ABCC3: variants seen among roughly 807,000 people sequenced by gnomAD.
ABCC3 encodes the protein ATP binding cassette subfamily C member 3.
In ABCC3, 121 loss-of-function variants were observed where a neutral mutation model predicts 165.3. That is an observed-to-expected ratio of 0.73 (90% CI 0.63 to 0.85). The LOEUF (loss-of-function observed/expected upper bound fraction) is 0.85, where lower values mean the gene tolerates loss of function less well. Among genes scored for constraint, ABCC3 ranks in the 40% least tolerant of loss-of-function variants. ABCC3 has a pLI of 0.00. For synonymous variants in ABCC3, 733 were observed against 810.1 expected (o/e 0.90, Z 1.62); for missense variants, 1,869 against 1,964.1 (o/e 0.95, Z 0.92).
At chr17:50,672,713 C>T (rs1967674278) in intron 17 of ABCC3, among the ~76,000 whole-genome samples, 1 of 152,042 alleles carries the variant, frequency 6.6e-6, no homozygotes, top group South Asian at 2.1e-4. Flanking sequence ...AAAAATAAAA[C>T]ATTTTAGTCA....
chr17:50,674,444 TAG>T (rs1224821929), intron 19 of ABCC3: 4 of 152,156 alleles, frequency 2.6e-5, no homozygotes, highest in Non-Finnish European at 5.9e-5. Context: ...CATGGATAAA[TAG>T]TTTGGCAAGT....
chr17:50,674,026 CTCTCTCTCTCTTTCTT>C (rs1967743012), intron 19 of ABCC3, among the ~76,000 whole-genome samples: 1 of 5,548 alleles, frequency 1.8e-4, no homozygotes, highest in East Asian at 2.5e-3. Context: ...CTCTCTCTCT[CTCTCTCTCTCTTTCTT>C]TCTTTCTTTC....
chr17:50,690,102 G>C (rs530975976), intron 30 of ABCC3, among the ~76,000 whole-genome samples: 1 of 152,302 alleles, frequency 6.6e-6, no homozygotes, highest in South Asian at 2.1e-4. Flanking sequence ...TGGAGGTGGG[G>C]CAATAAGGTA....
At chr17:50,690,640 G>A (rs965391043) in intron 30 of ABCC3, among the ~76,000 whole-genome samples, 4 of 151,962 alleles carry the variant, frequency 2.6e-5, no homozygotes, top group Non-Finnish European at 5.9e-5. Context: ...AGCAGCAGCC[G>A]CAGCAGCCGC....
chr17:50,654,534 C>A (rs2146602009), intron 1 of ABCC3, among the ~76,000 whole-genome samples: 1 of 152,310 alleles, frequency 6.6e-6, no homozygotes, highest in South Asian at 2.1e-4. Flanking sequence ...AGTGCTAAAA[C>A]CAGAGAAGTC....
chr17:50,672,429 C>T (rs935222935), intron 17 of ABCC3, among the ~76,000 whole-genome samples: 6 of 152,178 alleles, frequency 3.9e-5, no homozygotes, highest in African/African-American at 1.4e-4. Context: ...ATGGGTTGGG[C>T]AGGACACCAA....
chr17:50,673,057 C>T lies in ABCC3; in HGVS notation c.2328C>T (p.Asp776=). ...YSDADIFLLD[D]PLSAVDSHVA... ...ATGCCGATATTTTCTTGCTGGATGA[C>T]CCACTGTCCGCGGTGGACTCTCATG... The change falls in exon 18 of 31, where the codon GAC becomes GAT. Residue 776 remains aspartate (D), a synonymous_variant. Transcript: ENST00000285238. 2 of 1,614,124 alleles carry T rather than the reference C, an allele frequency of 1.2e-6. No individual in the cohort carries two copies. The highest frequency in any genetic ancestry group is 2.2e-5 in the East Asian group (1 of 44,878).
chr17:50,673,905 TTTC>T (rs1967707339), intron 19 of ABCC3, among the ~76,000 whole-genome samples: 1 of 10,230 alleles, frequency 9.8e-5, no homozygotes, highest in Admixed American at 1.1e-3. Flanking sequence ...GCCTGTTTTC[TTTC>T]TTTCTTTCTT....
At position 50,656,839 on chromosome 17, in the gene ABCC3, GC is replaced by G. The variant is rs1356560571; in HGVS notation, c.348+15del. On this transcript the variant is annotated intron_variant, in intron 3 of 30. Coordinates refer to ENST00000285238, the MANE Select transcript of ABCC3 (RefSeq NM_003786.4). ...TGGGGGTCACCATGGTCAGTGTGGG[GC>G]CCTGGGAAAGTGGATGGGGGAGGTC... 1.3e-6 allele frequency: 2 copies of G among 1,596,240 alleles called. No homozygotes were observed. Among genetic ancestry groups the G allele is most frequent in the African/African-American group, 2.7e-5 (2 of 74,066 alleles).
At position 50,657,753 on chromosome 17, in the gene ABCC3, C is replaced by T. The variant is rs371414097; in HGVS notation, c.487-329C>T. The stretch of plus-strand genomic sequence containing the variant: ...ACTCCCCATGTGGGCTCGGGCGGGT[C>T]GCTGAAACCTTTGGAGCCTCATTTC... On this transcript the variant is annotated intron_variant, in intron 4 of 30. Transcript: ENST00000285238. Among the ~76,000 whole-genome samples, 40 of 152,312 alleles carry T rather than the reference C, an allele frequency of 2.6e-4. No homozygotes were observed. In the South Asian group the frequency reaches 5.8e-3, roughly 22 times the overall value.
Position 50,663,852 on chromosome 17 carries a change from C to T in ABCC3, c.1170C>T (p.Tyr390=), listed in dbSNP as rs1315184584. 23 of 1,614,180 alleles carry T rather than the reference C, an allele frequency of 1.4e-5. No individual in the cohort carries two copies. Among genetic ancestry groups the T allele is most frequent in the Non-Finnish European group, 1.9e-5 (23 of 1,180,024 alleles). The part of the protein sequence containing the change: ...KFRTGIMGVI[Y]RKALVITNSV... The stretch of plus-strand genomic sequence containing the variant: ...GTACTGGGATCATGGGTGTCATCTA[C>T]AGGAAGGTCAGCTGGAGCAGGGCCC... Residue 390 remains tyrosine (Y), a synonymous_variant, in exon 9 of 31, where the codon TAC becomes TAT. Transcript: ENST00000285238.
chr17:50,661,094 C>A lies in ABCC3; in HGVS notation c.978C>A (p.Phe326Leu). 6.2e-7 allele frequency: 1 copy of A among 1,613,572 alleles called. No individual in the cohort carries two copies. Among genetic ancestry groups the A allele is most frequent in the South Asian group, 1.1e-5 (1 of 90,998 alleles). Reference sequence around the variant, plus strand: ...AGCTTATCCAGGACCTGCTCTCCTTCATCAATCCACAGCTGCTCAGGTCTC... The same window carrying A: ...AGCTTATCCAGGACCTGCTCTCCTTAATCAATCCACAGCTGCTCAGGTCTC... ...CFKLIQDLLS[F>L]INPQLLSILI... The change falls in exon 8 of 31, where the codon TTC (phenylalanine) becomes TTA (leucine). Residue 326 changes from phenylalanine (F) to leucine (L), a missense_variant. Coordinates refer to ENST00000285238, the MANE Select transcript of ABCC3 (RefSeq NM_003786.4).
intron 26 of ABCC3, 101 bp from the exon 27 acceptor site, chr17:50,683,509 C>G: frequency 7.5e-7 from 1 of 1,336,898 alleles, no homozygotes; most frequent in Non-Finnish European, 9.8e-7. Context: ...TCCCAGGGAC[C>G]ATAGTTGGGG....
At chr17:50,663,400 T>TA in intron 8 of ABCC3, 1 of 453,798 alleles carries the variant, frequency 2.2e-6, no homozygotes, top group Admixed American at 3.7e-5. Context: ...TGTCAGGAGG[T>TA]AAGAAGGCAG....
rs373913629 is a variant in ABCC3, at chr17:50,669,291, C to G, written c.2064+25C>G. 27 of 1,613,938 alleles carry G rather than the reference C, an allele frequency of 1.7e-5. No individual in the cohort carries two copies. The African/African-American group carries it at 3.3e-4, about 20-fold the overall frequency. On this transcript the variant is annotated intron_variant, in intron 16 of 30. Transcript: ENST00000285238. ...GGTGAGAGAGGCAGGGGCTCCTGGG[C>G]AGGGTGTGGGGCTCAGCCAGGCCTT...
In ABCC3 at chr17:50,655,955, C is replaced by A. The variant is rs200070901; in HGVS notation, c.169C>A (p.Arg57=). 5.0e-6 allele frequency: 8 copies of A among 1,614,096 alleles called. No individual in the cohort carries two copies. The East Asian group carries it at 1.8e-4, about 36-fold the overall frequency. Residue 57 remains arginine (R), a synonymous_variant, in exon 2 of 31, where the codon CGG becomes AGG. Transcript: ENST00000285238. ...VALPCYLLYL[R]HHCRGYIILS... Reference sequence around the variant, plus strand: ...CCTGCCCTGCTACTTGCTCTACCTGCGGCACCATTGTCGTGGCTACATCAT... The same window carrying A: ...CCTGCCCTGCTACTTGCTCTACCTGAGGCACCATTGTCGTGGCTACATCAT...
intron 1 of ABCC3, chr17:50,643,800 C>T: frequency 5.8e-6 from 2 of 346,540 alleles, no homozygotes; most frequent in South Asian, 2.2e-5. Flanking sequence ...AGTGAGTTGG[C>T]TGTGGGGGAA....
At chr17:50,649,005 G>A (rs190662417) in intron 1 of ABCC3, among the ~76,000 whole-genome samples, 2 of 151,960 alleles carry the variant, frequency 1.3e-5, no homozygotes, top group African/African-American at 2.4e-5. Context: ...CCAGCTACTC[G>A]GGAGGCTGAG....
intron 6 of ABCC3, 195 bp downstream of exon 6, chr17:50,658,691 A>C (rs570266001): frequency 5.5e-5 from 36 of 657,894 alleles, no homozygotes; most frequent in Non-Finnish European, 8.2e-5. Context: ...GGCCTGGCCC[A>C]GTGCCGCCCC....
Sources: allele counts gnomAD v4.1 joint callset (sites outside exome capture counted in the v4.1 genomes callset), GRCh38; gene constraint gnomAD v4.1.1; transcripts MANE v1.5; gene names NCBI Gene and HGNC (gene_info 2026-07-23, HGNC 2026-07-21).